Variants in HEPHL1 observed in about 807,000 individuals in gnomAD.
HEPHL1 encodes hephaestin like 1, also known as ferroxidase HEPHL1.
Under a neutral mutation model 122.0 loss-of-function variants are expected in HEPHL1, and 123 were observed. The observed-to-expected ratio is 1.01, with a 90% CI of 0.87 to 1.17. HEPHL1 has a LOEUF of 1.17. HEPHL1 is among the 50% of genes most tolerant of loss of function. The pLI is 0.00. For synonymous variants in HEPHL1, 527 were observed against 508.9 expected, an observed-to-expected ratio of 1.04 and a Z score of -0.48; for missense variants, 1,452 against 1,430.5, an observed-to-expected ratio of 1.01 and a Z score of -0.24.
At position 94,111,926 on chromosome 11, in the gene HEPHL1, A is replaced by T; in HGVS notation, c.*32A>T. The T allele has an allele frequency of 6.8e-7, 1 of 1,464,724 alleles. No homozygotes were observed. The highest frequency in any genetic ancestry group is 9.1e-7 in the Non-Finnish European group (1 of 1,099,404). 90.7% of individuals were successfully genotyped at this position (1,464,724 alleles called of 1,614,324 possible). ...TGGTCTCCCTCAACAGGAAAGGGTGATGTCCCACAGCTGGCCAGATGGCAG... is the reference window on the plus strand; with the variant it reads ...TGGTCTCCCTCAACAGGAAAGGGTGTTGTCCCACAGCTGGCCAGATGGCAG... On this transcript the variant is annotated 3_prime_UTR_variant, in exon 20 of 20. Transcript: ENST00000315765.
intron 17 of HEPHL1, among the ~76,000 whole-genome samples, chr11:94,106,591 G>A (rs559733406): frequency 6.6e-6 from 1 of 152,198 alleles, no homozygotes; most frequent in African/African-American, 2.4e-5. Context: ...CACCACGCCA[G>A]GCCTGGCTAT....
intron 1 of HEPHL1, among the ~76,000 whole-genome samples, chr11:94,029,453 G>A (rs1408941738): frequency 6.6e-6 from 1 of 152,190 alleles, no homozygotes; most frequent in Non-Finnish European, 1.5e-5. Flanking sequence ...TCTTTGGTTA[G>A]GAGGAAAGAA....
At position 94,060,401 on chromosome 11, in the gene HEPHL1, T is replaced by C. The variant is rs534661662; in HGVS notation, c.416-3107T>C. Among the ~76,000 whole-genome samples the C allele has an allele frequency of 5.3e-5, 8 of 152,056 alleles. No homozygotes were observed. In the South Asian group the frequency reaches 1.5e-3, roughly 28 times the overall value. Reference sequence around the variant, plus strand: ...ATATACACACATATAATTAAAAACTTAGGCACATGTTATAAATGAATAAGA... The same window carrying C: ...ATATACACACATATAATTAAAAACTCAGGCACATGTTATAAATGAATAAGA... On this transcript the variant is annotated intron_variant, in intron 2 of 19. Transcript: ENST00000315765.
At chr11:94,104,889 C>T (rs377195435) in intron 16 of HEPHL1, 139 bp downstream of exon 16, 15 of 685,316 alleles carry the variant, frequency 2.2e-5, no homozygotes, top group African/African-American at 2.0e-4. Context: ...TCCTCTAATG[C>T]TTTCCTTCAG....
chr11:94,090,660 T>C (rs1946257713), intron 12 of HEPHL1, among the ~76,000 whole-genome samples: 1 of 152,218 alleles, frequency 6.6e-6, no homozygotes, highest in South Asian at 2.1e-4. Context: ...AGTATGGAAT[T>C]GAAATGGCAG....
intron 19 of HEPHL1, 42 bp from the exon 20 acceptor site, chr11:94,111,650 C>A: frequency 6.2e-7 from 1 of 1,610,006 alleles, no homozygotes; most frequent in Non-Finnish European, 8.5e-7. Context: ...CATTTCACCC[C>A]TCAAAAATGT....
intron 1 of HEPHL1, among the ~76,000 whole-genome samples, chr11:94,027,668 C>T (rs1423711441): frequency 6.6e-6 from 1 of 152,198 alleles, no homozygotes; most frequent in Non-Finnish European, 1.5e-5. Flanking sequence ...TAAGTCTCTT[C>T]CCCATTTCAC....
At chr11:94,046,369 A>G (rs971589305) in intron 2 of HEPHL1, among the ~76,000 whole-genome samples, 1 of 151,182 alleles carries the variant, frequency 6.6e-6, no homozygotes. Context: ...AAGTGCTGGG[A>G]TTACAGGCGT....
intron 2 of HEPHL1, among the ~76,000 whole-genome samples, chr11:94,057,673 C>A (rs1945949633): frequency 6.6e-6 from 1 of 152,016 alleles, no homozygotes. Flanking sequence ...TCCCACTTTT[C>A]TTCAGCCCTT....
Position 94,045,721 on chromosome 11 carries a change from T to G in HEPHL1, c.219T>G (p.Ile73Met), listed in dbSNP as rs1398028351. 3.7e-6 allele frequency: 6 copies of G among 1,613,038 alleles called. No homozygotes were observed. Among genetic ancestry groups the G allele is most frequent in the African/African-American group, 1.3e-5 (1 of 74,898 alleles). The change falls in exon 2 of 20, where the codon ATT becomes ATG. Residue 73 changes from isoleucine (I) to methionine (M), a missense_variant. Coordinates refer to ENST00000315765, the MANE Select transcript of HEPHL1 (RefSeq NM_001098672.2). The part of the protein sequence containing the change: ...LERGPNRIGS[I>M]YKKAVYRRFT... ...GAGGGCCCAACAGGATAGGCAGTAT[T>G]TACAAAAAGGCTGTTTACAGACGCT...
chr11:94,049,057 G>C (rs966908565), intron 2 of HEPHL1, among the ~76,000 whole-genome samples: 9 of 152,018 alleles, frequency 5.9e-5, no homozygotes, highest in Non-Finnish European at 1.3e-4. Flanking sequence ...GGAGGTGGAG[G>C]CTGCAGTGAG....
chr11:94,096,251 G>A (rs1946312148), intron 13 of HEPHL1, among the ~76,000 whole-genome samples: 1 of 152,124 alleles, frequency 6.6e-6, no homozygotes, highest in Non-Finnish European at 1.5e-5. Context: ...TTTTTTCTAA[G>A]GTCTGTTCTG....
Position 94,110,886 on chromosome 11 carries a change from T to C in HEPHL1, c.3046-17T>C, listed in dbSNP as rs1255440124. On this transcript the variant is annotated splice_polypyrimidine_tract_variant and intron_variant, in intron 17 of 19. Transcript: ENST00000315765. ...AAAGAAGGCTACTAGCTGTTGTTTT[T>C]TAAAACGTTTTTGCAGATAGATAAA... The C allele has an allele frequency of 2.5e-6, 4 of 1,602,854 alleles. No individual in the cohort carries two copies. The highest frequency in any genetic ancestry group is 1.3e-5 in the African/African-American group (1 of 74,868).
In HEPHL1 at chr11:94,101,449, C is replaced by G; in HGVS notation, c.2575+114C>G. 3.0e-6 allele frequency: 3 copies of G among 1,011,704 alleles called. No individual in the cohort carries two copies. In the South Asian group the frequency reaches 5.2e-5, roughly 17 times the overall value. The allele number at this position is 1,011,704 out of a possible 1,614,324, so 62.7% of individuals were successfully genotyped here. On this transcript the variant is annotated intron_variant, in intron 14 of 19. Transcript: ENST00000315765. ...CTTAATGTCAATGTGTTTCAGCCAT[C>G]ATCTAGTCACTCTGGTATGAGATCA...
chr11:94,042,747 G>A (rs1177540430), intron 1 of HEPHL1, among the ~76,000 whole-genome samples: 31 of 133,534 alleles, frequency 2.3e-4, no homozygotes, highest in East Asian at 1.8e-3. Flanking sequence ...AGGGGGTAGG[G>A]ATAGCATTGG....
At chr11:94,052,848 TC>T (rs1476213838) in intron 2 of HEPHL1, among the ~76,000 whole-genome samples, 1 of 152,146 alleles carries the variant, frequency 6.6e-6, no homozygotes, top group Admixed American at 6.5e-5. Context: ...TGGCATAGAA[TC>T]CTTTTTATAT....
intron 1 of HEPHL1, among the ~76,000 whole-genome samples, chr11:94,043,109 A>C (rs1231148624): frequency 6.6e-6 from 1 of 152,118 alleles, no homozygotes; most frequent in Non-Finnish European, 1.5e-5. Context: ...AATTATATGA[A>C]TGATTGAATT....
intron 13 of HEPHL1, among the ~76,000 whole-genome samples, chr11:94,099,889 C>T (rs1043032369): frequency 2.0e-5 from 3 of 152,148 alleles, no homozygotes; most frequent in East Asian, 1.9e-4. Flanking sequence ...AGGAGTGACC[C>T]GATTTTCCAG....
In HEPHL1 at chr11:94,111,822, A is replaced by T. The variant is rs1591492672; in HGVS notation, c.3408A>T (p.Arg1136Ser). 20 of 1,554,328 alleles carry T rather than the reference A, an allele frequency of 1.3e-5. 1 individual carries two copies. The highest frequency in any genetic ancestry group is 1.1e-4 in the African/African-American group (8 of 73,022). The change falls in exon 20 of 20, where the codon AGA becomes AGT. Residue 1136 changes from arginine (R) to serine (S), a missense_variant. Physicochemically the swap from Arg to Ser is moderately radical, Grantham distance 110. Transcript: ENST00000315765. ...TCACCACGGTGATTCTCTCCCTCAG[A>T]CTCTGCTCTGCAATGAAGCAGACAG... ...LLITTVILSLRLCSAMKQTDY... is the reference protein window; with the variant it reads ...LLITTVILSLSLCSAMKQTDY...
Sources: gnomAD v4.1 joint callset for allele counts (sites outside exome capture counted in the v4.1 genomes callset) on GRCh38, gnomAD v4.1.1 for gene constraint, MANE v1.5 for transcripts, NCBI Gene and HGNC (gene_info 2026-07-23, HGNC 2026-07-21) for gene names.